Variants in EPHA8 observed in about 807,000 individuals in gnomAD.
EPHA8 encodes the protein ephrin type-A receptor 8.
In EPHA8, 58 loss-of-function variants were observed where a neutral mutation model predicts 103.6. The ratio of observed to expected loss-of-function variants is 0.56; its 90% CI spans 0.45 to 0.70. The LOEUF is 0.70. EPHA8 is among the 30% of genes least tolerant of loss of function. The probability of loss-of-function intolerance (pLI) is 0.00; values close to 1 mark genes in which losing one functional copy is unlikely to be tolerated. For missense variants in EPHA8, 1,304 were observed against 1,395.2 expected (o/e 0.93, Z 1.04); for synonymous variants, 559 against 572.5 (o/e 0.98, Z 0.34).
chr1:22,565,731 G>T (rs1273408596), intron 1 of EPHA8, among the ~76,000 whole-genome samples: 1 of 152,214 alleles, frequency 6.6e-6, no homozygotes, highest in African/African-American at 2.4e-5. Flanking sequence ...TGTGCAGTGG[G>T]TGGGGGCCAG....
intron 3 of EPHA8, among the ~76,000 whole-genome samples, chr1:22,578,258 A>G (rs1160682703): frequency 3.2e-5 from 4 of 123,788 alleles, no homozygotes; most frequent in South Asian, 2.8e-4. Flanking sequence ...GTGTCTGTAT[A>G]CCCGTGTGTG....
chr1:22,578,761 GTGAA>G (rs1201606172), intron 3 of EPHA8, among the ~76,000 whole-genome samples: 2 of 151,860 alleles, frequency 1.3e-5, no homozygotes, highest in East Asian at 3.9e-4. Context: ...GTGCATGTGT[GTGAA>G]TGTATGTGTA....
intron 3 of EPHA8, among the ~76,000 whole-genome samples, chr1:22,580,836 C>T (rs1232709406): frequency 1.3e-5 from 2 of 152,352 alleles, no homozygotes; most frequent in African/African-American, 4.8e-5. Flanking sequence ...AGCCTGAAGA[C>T]AGGTCTGTAT....
intron 7 of EPHA8, among the ~76,000 whole-genome samples, chr1:22,594,348 C>A (rs1641459659): frequency 6.6e-6 from 1 of 152,216 alleles, no homozygotes; most frequent in African/African-American, 2.4e-5. Flanking sequence ...ATGGTGACAG[C>A]CCCCCACACA....
In EPHA8 at chr1:22,601,821, C is replaced by T. The variant is rs1641745692; in HGVS notation, c.*80C>T. 4 of 1,362,128 alleles carry T rather than the reference C, an allele frequency of 2.9e-6. No homozygotes were observed. The highest frequency in any genetic ancestry group is 4.0e-6 in the Non-Finnish European group (4 of 990,776). The allele number at this position is 1,362,128 out of a possible 1,614,324, so 84.4% of individuals were successfully genotyped here. A position where few individuals can be genotyped will look rare whatever the true frequency, so the allele number is the denominator to read the frequency against. ...GGCAGAGGACGTGAGGGGCTGGCAG[C>T]AGGCAGGGCGGCCCCAGGCCTCTGC... On this transcript the variant is annotated 3_prime_UTR_variant, in exon 17 of 17. Coordinates refer to ENST00000166244, the MANE Select transcript of EPHA8 (RefSeq NM_020526.5).
intron 1 of EPHA8, among the ~76,000 whole-genome samples, chr1:22,566,835 C>T (rs569904326): frequency 6.6e-6 from 1 of 152,012 alleles, no homozygotes; most frequent in East Asian, 1.9e-4. Context: ...GGACACTCTG[C>T]GTTCTCACCC....
intron 1 of EPHA8, among the ~76,000 whole-genome samples, chr1:22,568,889 G>A (rs1401609186): frequency 6.6e-6 from 1 of 152,198 alleles, no homozygotes; most frequent in Non-Finnish European, 1.5e-5. Context: ...ATTTTACAGA[G>A]GAGGAAGCTG....
At chr1:22,590,867 C>A (rs190448476) in intron 5 of EPHA8, among the ~76,000 whole-genome samples, 1 of 152,266 alleles carries the variant, frequency 6.6e-6, no homozygotes, top group East Asian at 1.9e-4. Flanking sequence ...AACAACCCTG[C>A]CACACCTGCA....
Position 22,576,468 on chromosome 1 carries a change from A to G in EPHA8, c.411A>G (p.Thr137=), listed in dbSNP as rs770915020. 2.5e-6 allele frequency: 4 copies of G among 1,613,992 alleles called. No homozygotes were observed. The Admixed American group carries it at 6.7e-5, about 27-fold the overall frequency. The change falls in exon 3 of 17, where the codon ACA becomes ACG. Residue 137 remains threonine, a synonymous_variant. Coordinates refer to ENST00000166244, the MANE Select transcript of EPHA8 (RefSeq NM_020526.5). This position sits in a 1 kb window ranked among gnomAD's most constrained non-coding sequence, Gnocchi z 4.8. Reference sequence around the variant, plus strand: ...CGGACCGCGACCTGGGGGCCAGCACACAAGAAAGCCAGTTCCTCAAAATCG... The same window carrying G: ...CGGACCGCGACCTGGGGGCCAGCACGCAAGAAAGCCAGTTCCTCAAAATCG... The part of the protein sequence containing the change: ...LESDRDLGAS[T]QESQFLKIDT...
chr1:22,564,355 G>T (rs1640294140), intron 1 of EPHA8, among the ~76,000 whole-genome samples: 3 of 151,658 alleles, frequency 2.0e-5, no homozygotes, highest in African/African-American at 2.4e-5. Context: ...ACGGGCTGGG[G>T]AGAAGAAGGG....
chr1:22,586,385 A>AC, intron 3 of EPHA8, 95 bp from the exon 4 acceptor site: 2 of 1,447,282 alleles, frequency 1.4e-6, no homozygotes, highest in East Asian at 2.3e-5. Context: ...CCTCTGGGGC[A>AC]CCCCCCAGGA....
Position 22,602,781 on chromosome 1 carries a change from A to G in EPHA8, c.*1040A>G, listed in dbSNP as rs1306055619. The G allele has an allele frequency of 6.6e-6, 1 of 152,304 alleles. No homozygotes were observed. The highest frequency in any genetic ancestry group is 2.4e-5 in the African/African-American group (1 of 41,394). The allele number at this position is 152,304 out of a possible 1,614,324, so 9.4% of individuals were successfully genotyped here. A position where few individuals can be genotyped will look rare whatever the true frequency, so the allele number is the denominator to read the frequency against. ...ACCCCTTCCTGTAGCATATGGGGAG[A>G]CTAAGGCCTGGAGAGAGGGGTGATG... On this transcript the variant is annotated 3_prime_UTR_variant, in exon 17 of 17. Transcript: ENST00000166244.
intron 4 of EPHA8, among the ~76,000 whole-genome samples, chr1:22,587,280 A>T (rs1298351972): frequency 6.6e-6 from 1 of 152,216 alleles, no homozygotes; most frequent in Non-Finnish European, 1.5e-5. Context: ...GATTCGTCAC[A>T]TATATTAAGG....
Position 22,576,398 on chromosome 1 carries a change from T to C in EPHA8, c.341T>C (p.Val114Ala), listed in dbSNP as rs767709429. 1 of 1,613,834 alleles carries C rather than the reference T, an allele frequency of 6.2e-7. No homozygotes were observed. Among genetic ancestry groups the C allele is most frequent in the East Asian group, 2.2e-5 (1 of 44,846 alleles). ...CGCGACTGCAACAGCATGCCTGGTG[T>C]GCTGGGCACCTGCAAGGAGACCTTC... ...TLRDCNSMPG[V>A]LGTCKETFNL... The change falls in exon 3 of 17, where the codon GTG becomes GCG. Residue 114 changes from valine to alanine, a missense_variant. Physicochemically the swap from Val to Ala is moderately conservative, Grantham distance 64 (BLOSUM62 0). Transcript: ENST00000166244. This position sits in a 1 kb window ranked among gnomAD's most constrained non-coding sequence, Gnocchi z 4.8.
In EPHA8 at chr1:22,586,507, C is replaced by G. The variant is rs1641211553; in HGVS notation, c.851C>G (p.Ala284Gly). Residue 284 changes from alanine (A) to glycine (G), a missense_variant, in exon 4 of 17, where the codon GCC becomes GGC. Ala to Gly is a moderately conservative substitution (Grantham distance 60). Coordinates refer to ENST00000166244, the MANE Select transcript of EPHA8 (RefSeq NM_020526.5). ...VACELGFYKS[A>G]PGDQLCARCP... ...TGTGAGCTGGGCTTCTACAAGTCAGCCCCTGGGGACCAGCTGTGTGCCCGC... is the reference window on the plus strand; with the variant it reads ...TGTGAGCTGGGCTTCTACAAGTCAGGCCCTGGGGACCAGCTGTGTGCCCGC... The G allele has an allele frequency of 1.9e-6, 3 of 1,613,548 alleles. No homozygotes were observed. Among genetic ancestry groups the G allele is most frequent in the Non-Finnish European group, 2.5e-6 (3 of 1,179,888 alleles).
chr1:22,590,116 C>G (rs1285076300), intron 5 of EPHA8, among the ~76,000 whole-genome samples: 1 of 152,180 alleles, frequency 6.6e-6, no homozygotes, highest in South Asian at 2.1e-4. Flanking sequence ...TTCCCTCATT[C>G]GACAGCCCTC....
rs374046323 is a variant in EPHA8 at position 22,593,376 on chromosome 1, G to C, written c.1366G>C (p.Val456Leu). 2 of 1,592,338 alleles carry C rather than the reference G, an allele frequency of 1.3e-6. No individual in the cohort carries two copies. Among genetic ancestry groups the C allele is most frequent in the Non-Finnish European group, 1.7e-6 (2 of 1,169,956 alleles). The change falls in exon 6 of 17, where the codon GTC (valine) becomes CTC (leucine). Residue 456 changes from valine to leucine, a missense_variant. Transcript: ENST00000166244. ...TCAAGAGCGGGCGGGGCAGACCAGC[G>C]TCTCGCTGCTGTGGCAGGAGCCCGA... Reference protein sequence around the residue: ...IRQERAGQTSVSLLWQEPEQP... With the variant: ...IRQERAGQTSLSLLWQEPEQP...
intron 7 of EPHA8, 100 bp downstream of exon 7, chr1:22,593,786 G>A (rs1163555082): frequency 6.7e-6 from 9 of 1,345,488 alleles, no homozygotes; most frequent in Non-Finnish European, 8.8e-6. Context: ...CTGAGCCAGT[G>A]CCAATGCAGG....
rs1023843713 is a variant in EPHA8, at chr1:22,601,904, G to A, written c.*163G>A. ...TCGCCACAGGACCTGGAGTTATCAG[G>A]GGTCAGGCGCCTGGGAAGGGGCCTT... On this transcript the variant is annotated 3_prime_UTR_variant, in exon 17 of 17. Coordinates refer to ENST00000166244, the MANE Select transcript of EPHA8 (RefSeq NM_020526.5). 14 of 733,002 alleles carry A rather than the reference G, an allele frequency of 1.9e-5. No homozygotes were observed. Among genetic ancestry groups the A allele is most frequent in the Non-Finnish European group, 2.9e-5 (13 of 452,764 alleles). 45.4% of individuals were successfully genotyped at this position (733,002 alleles called of 1,614,324 possible). A position where few individuals can be genotyped will look rare whatever the true frequency, so the allele number is the denominator to read the frequency against.
Sources: allele counts gnomAD v4.1 joint callset (sites outside exome capture counted in the v4.1 genomes callset), GRCh38; gene constraint gnomAD v4.1.1; non-coding constraint Gnocchi (gnomAD v3.1); transcripts MANE v1.5; gene names NCBI Gene and HGNC (gene_info 2026-07-23, HGNC 2026-07-21).